The following LPP variants were observed in gnomAD, a reference collection of about 807,000 sequenced individuals.
The protein encoded by LPP is LIM domain containing preferred translocation partner in lipoma, also known as lipoma-preferred partner.
LPP carries 38 observed loss-of-function variants against 60.4 expected under a neutral mutation model. The observed-to-expected ratio is 0.63, with a 90% CI of 0.49 to 0.83. The LOEUF is 0.83. LPP is among the 40% of genes least tolerant of loss of function. LPP has a pLI of 0.00. For synonymous variants in LPP, 328 were observed against 290.8 expected (o/e 1.13, Z -1.30); for missense variants, 902 against 783.6 (o/e 1.15, Z -1.80).
At chr3:188,801,806 A>G (rs6801602) in intron 9 of LPP, among the ~76,000 whole-genome samples, 44,044 of 152,082 alleles carry the variant, frequency 0.29, 7,917 homozygotes, top group East Asian at 0.82. Flanking sequence ...CCTGACTAGG[A>G]TGGAGTTGGA....
In LPP at chr3:188,760,214, A is replaced by G. The variant is rs745510315; in HGVS notation, c.1342A>G (p.Asn448Asp). Residue 448 changes from asparagine (N) to aspartate (D), a missense_variant, in exon 9 of 12, where the codon AAC becomes GAC. By Grantham distance (23) the Asn-to-Asp change is conservative (BLOSUM62 1). Coordinates refer to ENST00000617246, the MANE Select transcript of LPP (RefSeq NM_001375462.1). ...HVDCFTCIIC[N>D]NKLRGQPFYA... ...GGATTGTTTTACCTGCATCATCTGC[A>G]ACAACAAGCTCCGAGGGCAGCCATT... 20 of 1,614,028 alleles carry G rather than the reference A, an allele frequency of 1.2e-5. No homozygotes were observed. Among genetic ancestry groups the G allele is most frequent in the Non-Finnish European group, 1.6e-5 (19 of 1,180,026 alleles).
chr3:188,641,929 C>T (rs180988580), intron 7 of LPP, among the ~76,000 whole-genome samples: 186 of 152,256 alleles, frequency 1.2e-3, no homozygotes, highest in Non-Finnish European at 1.7e-3. Flanking sequence ...TAGCCTCTCC[C>T]GTGGCTGGTT....
Position 188,630,185 on chromosome 3 carries a change from A to G in LPP, c.1113+20341A>G, listed in dbSNP as rs531686304. ...CAAACTATCAACAGAGTAAACAGAC[A>G]GCCTATAGAAAGAGAGAAAATATTT... On this transcript the variant is annotated intron_variant, in intron 7 of 11. Coordinates refer to ENST00000617246, the MANE Select transcript of LPP (RefSeq NM_001375462.1). Among the ~76,000 whole-genome samples, 26 of 152,294 alleles carry G rather than the reference A, an allele frequency of 1.7e-4. 1 individual carries two copies. The highest frequency in any genetic ancestry group is 2.6e-4 in the Non-Finnish European group (18 of 68,028).
intron 2 of LPP, among the ~76,000 whole-genome samples, chr3:188,271,799 T>A (rs981483124): frequency 6.6e-6 from 1 of 152,140 alleles, no homozygotes; most frequent in East Asian, 1.9e-4. Context: ...AGGAGGAAGT[T>A]TCCATTGGGT....
Position 188,431,440 on chromosome 3 carries a change from A to G in LPP, c.193+25127A>G, listed in dbSNP as rs374282583. Among the ~76,000 whole-genome samples, 9 of 152,310 alleles carry G rather than the reference A, an allele frequency of 5.9e-5. No individual in the cohort carries two copies. The East Asian group carries it at 1.7e-3, about 29-fold the overall frequency. ...CAACCCTAGGAGCACGAGACAGAGT[A>G]TAAAGAGCCATGATTTTTAGCGAAG... On this transcript the variant is annotated intron_variant, in intron 4 of 11. Transcript: ENST00000617246.
rs13096089 is a variant in LPP at position 188,156,422 on chromosome 3, A to G, written c.-190+2170A>G. Among the ~76,000 whole-genome samples, 950 of 152,322 alleles carry G rather than the reference A, an allele frequency of 6.2e-3. 6 individuals are homozygous for G. The highest frequency in any genetic ancestry group is 0.01 in the Middle Eastern group (3 of 294). Reference sequence around the variant, plus strand: ...ATGCCAGGCTAAGGAGTTTGGATATATCTTAAATTCATCATTTGAGGGTTT... The same window carrying G: ...ATGCCAGGCTAAGGAGTTTGGATATGTCTTAAATTCATCATTTGAGGGTTT... On this transcript the variant is annotated intron_variant, in intron 1 of 11. Transcript: ENST00000617246.
rs1394767115 is a variant in LPP at position 188,884,519 on chromosome 3, T to C, written c.*10040T>C. The C allele has an allele frequency of 1.7e-5, 4 of 229,450 alleles. No individual in the cohort carries two copies. In the East Asian group the frequency reaches 1.9e-4, roughly 11 times the overall value. The allele number at this position is 229,450 out of a possible 1,614,324, so 14.2% of individuals were successfully genotyped here. ...CTGATCAGCACTGTGAGGAAGTTGG[T>C]GGGAAAAGGCCACTGATAAGAACAA... On this transcript the variant is annotated 3_prime_UTR_variant, in exon 12 of 12. Coordinates refer to ENST00000617246, the MANE Select transcript of LPP (RefSeq NM_001375462.1).
At chr3:188,351,325 C>A (rs1450532447) in intron 3 of LPP, among the ~76,000 whole-genome samples, 2 of 152,136 alleles carry the variant, frequency 1.3e-5, no homozygotes, top group African/African-American at 4.8e-5. Context: ...AGCTCCCCCA[C>A]CCCAGGGAAG....
intron 9 of LPP, among the ~76,000 whole-genome samples, chr3:188,815,617 G>GA (rs797016921): frequency 1.5e-4 from 22 of 149,724 alleles, no homozygotes; most frequent in South Asian, 6.3e-4. Flanking sequence ...ATTTGTTGGG[G>GA]AAAAAAAAAA....
chr3:188,797,922 T>C (rs1000625567), intron 9 of LPP, among the ~76,000 whole-genome samples: 3 of 152,210 alleles, frequency 2.0e-5, no homozygotes, highest in African/African-American at 7.2e-5. Flanking sequence ...AACTCTATGA[T>C]GAAACCATTT....
In LPP at chr3:188,262,135, G is replaced by A. The variant is rs1339869562; in HGVS notation, c.-67+36608G>A. Among the ~76,000 whole-genome samples the A allele has an allele frequency of 2.0e-5, 3 of 152,242 alleles. No homozygotes were observed. In the East Asian group the frequency reaches 5.8e-4, roughly 29 times the overall value. ...GAAGAGGACACATCTAGAAGCCAGG[G>A]TATATACCCCGAAGGGGTTTGAGGC... On this transcript the variant is annotated intron_variant, in intron 2 of 11. Coordinates refer to ENST00000617246, the MANE Select transcript of LPP (RefSeq NM_001375462.1).
intron 7 of LPP, among the ~76,000 whole-genome samples, chr3:188,636,912 C>A (rs1331297618): frequency 2.1e-5 from 3 of 143,690 alleles, no homozygotes; most frequent in African/African-American, 8.1e-5. Context: ...ATCTGTACAT[C>A]ACCATCATCA....
intron 5 of LPP, among the ~76,000 whole-genome samples, chr3:188,492,479 G>A (rs1808673477): frequency 6.6e-6 from 1 of 152,116 alleles, no homozygotes; most frequent in Non-Finnish European, 1.5e-5. Context: ...TGGATTACCT[G>A]AGGTCAAGGA....
chr3:188,495,700 A>G (rs1809992130), intron 5 of LPP, among the ~76,000 whole-genome samples: 2 of 152,188 alleles, frequency 1.3e-5, no homozygotes, highest in South Asian at 2.1e-4. Context: ...TGTTGATTGT[A>G]TCACATACCT....
intron 1 of LPP, among the ~76,000 whole-genome samples, chr3:188,220,124 C>T (rs1261811356): frequency 6.6e-6 from 1 of 152,128 alleles, no homozygotes; most frequent in Non-Finnish European, 1.5e-5. Context: ...TCCCATCTGC[C>T]AGATGGGTGT....
intron 2 of LPP, among the ~76,000 whole-genome samples, chr3:188,258,739 G>C (rs752803202): frequency 6.6e-6 from 1 of 152,192 alleles, no homozygotes; most frequent in African/African-American, 2.4e-5. Context: ...GACGATCACC[G>C]CATTAGGGGG....
intron 2 of LPP, among the ~76,000 whole-genome samples, chr3:188,245,535 C>T (rs901529672): frequency 6.6e-6 from 1 of 152,148 alleles, no homozygotes; most frequent in Non-Finnish European, 1.5e-5. Context: ...CTTTGCCTTC[C>T]TTTTGCCTTT....
chr3:188,487,122 G>A (rs1455669708), intron 5 of LPP, among the ~76,000 whole-genome samples: 1 of 152,180 alleles, frequency 6.6e-6, no homozygotes, highest in Non-Finnish European at 1.5e-5. Context: ...TTGAAAACTA[G>A]TTACATAGAT....
chr3:188,569,709 G>A (rs2150821103), intron 6 of LPP, among the ~76,000 whole-genome samples: 1 of 152,074 alleles, frequency 6.6e-6, no homozygotes, highest in Admixed American at 6.6e-5. Flanking sequence ...AAGTGGCAGA[G>A]GTCATGTTTC....
Sources: gnomAD v4.1 joint callset for allele counts (sites outside exome capture counted in the v4.1 genomes callset) on GRCh38, gnomAD v4.1.1 for gene constraint, MANE v1.5 for transcripts, NCBI Gene and HGNC (gene_info 2026-07-23, HGNC 2026-07-21) for gene names.